CDH20: variants seen among roughly 807,000 people sequenced by gnomAD.
CDH20 encodes the protein cadherin-20.
Under a neutral mutation model 74.2 loss-of-function variants are expected in CDH20, and 29 were observed. The observed-to-expected ratio is 0.39, with a 90% CI of 0.29 to 0.53. The LOEUF is 0.53. Ranked by LOEUF, CDH20 falls within the 20% of genes least tolerant of loss-of-function variation. CDH20 has a pLI of 0.69. For missense variants in CDH20, 988 were observed against 1,048.3 expected (o/e 0.94, Z 0.79); for synonymous variants, 469 against 405.4 (o/e 1.16, Z -1.88).
Position 61,500,457 on chromosome 18 carries a change from A to C in CDH20, c.616A>C (p.Ser206Arg), listed in dbSNP as rs200877732. 2 of 1,612,866 alleles carry C rather than the reference A, an allele frequency of 1.2e-6. No homozygotes were observed. The highest frequency in any genetic ancestry group is 1.7e-6 in the Non-Finnish European group (2 of 1,179,152). The part of the protein sequence containing the change: ...TYGNSARVVY[S>R]ILQGQPYFSV... Reference sequence around the variant, plus strand: ...CGGCAACAGTGCCAGGGTGGTGTACAGCATTCTTCAGGGCCAGCCATATTT... The same window carrying C: ...CGGCAACAGTGCCAGGGTGGTGTACCGCATTCTTCAGGGCCAGCCATATTT... Residue 206 changes from serine (S) to arginine (R), a missense_variant, in exon 4 of 12, where the codon AGC becomes CGC. By Grantham distance (110) the Ser-to-Arg change is moderately radical. Transcript: ENST00000262717.
chr18:61,492,876 T>A (rs529320969), intron 2 of CDH20, among the ~76,000 whole-genome samples: 8 of 152,344 alleles, frequency 5.3e-5, no homozygotes, highest in Non-Finnish European at 1.0e-4. Context: ...AACACAGCAT[T>A]TATCTTATAG....
intron 6 of CDH20, among the ~76,000 whole-genome samples, chr18:61,527,364 C>T (rs1193477104): frequency 3.5e-5 from 1 of 28,276 alleles, no homozygotes; most frequent in Non-Finnish European, 8.5e-5. Context: ...CATGAATATT[C>T]TAATAGATAG....
intron 10 of CDH20, 52 bp from the exon 11 acceptor site, chr18:61,549,926 A>C: frequency 6.3e-7 from 1 of 1,581,510 alleles, no homozygotes; most frequent in Non-Finnish European, 8.6e-7. Context: ...CCTCAATCCA[A>C]GAAATTAATT....
intron 1 of CDH20, among the ~76,000 whole-genome samples, chr18:61,396,072 T>TGTGTG (rs1568123837): frequency 1.3e-5 from 2 of 151,916 alleles, no homozygotes. Flanking sequence ...TGTGTGTGTG[T>TGTGTG]TCATGCACGC....
At chr18:61,496,420 G>A (rs1911163675) in intron 2 of CDH20, among the ~76,000 whole-genome samples, 1 of 150,908 alleles carries the variant, frequency 6.6e-6, no homozygotes, top group South Asian at 2.1e-4. Flanking sequence ...CATCCATACG[G>A]AACTTTCGCC....
In CDH20 at chr18:61,340,226, C is replaced by CTTTTTTTTTTTTTTTTT. The variant is rs59628153; in HGVS notation, c.-153+6409_-153+6410insTTTTTTTTTTTTTTTTT. 7.5e-4 allele frequency among the ~76,000 whole-genome samples: 89 copies of CTTTTTTTTTTTTTTTTT among 119,404 alleles called. 7 individuals carry two copies. The Middle Eastern group carries it at 0.014, about 19-fold the overall frequency. The allele number at this position is 119,404 out of a possible 152,430, so 78.3% of individuals were successfully genotyped here. On this transcript the variant is annotated intron_variant, in intron 1 of 11. Coordinates refer to ENST00000262717, the MANE Select transcript of CDH20 (RefSeq NM_031891.4). The stretch of plus-strand genomic sequence containing the variant: ...TGTCTTTAGCTAAATCTTCAGCCTT[C>CTTTTTTTTTTTTTTTTT]TTTTTTTTTTAAAGGTCTGACCTTA...
At chr18:61,553,770 C>CA (rs1913519397) in intron 11 of CDH20, among the ~76,000 whole-genome samples, 1 of 152,126 alleles carries the variant, frequency 6.6e-6, no homozygotes, top group Non-Finnish European at 1.5e-5. Context: ...ATAAGACTTT[C>CA]ACATTATAAG....
intron 6 of CDH20, among the ~76,000 whole-genome samples, chr18:61,513,595 C>T (rs1323504443): frequency 1.3e-5 from 2 of 151,676 alleles, no homozygotes; most frequent in Admixed American, 6.6e-5. Flanking sequence ...TTCCTAGTCT[C>T]CATGGTCTTT....
At chr18:61,334,899 C>G (rs1224863518) in intron 1 of CDH20, among the ~76,000 whole-genome samples, 3 of 151,988 alleles carry the variant, frequency 2.0e-5, no homozygotes, top group African/African-American at 7.2e-5. Context: ...TGTTATAAAT[C>G]GCCTGCAAAT....
intron 1 of CDH20, among the ~76,000 whole-genome samples, chr18:61,428,375 AT>A (rs1913143053): frequency 6.6e-6 from 1 of 152,122 alleles, no homozygotes; most frequent in Non-Finnish European, 1.5e-5. Context: ...TCCATAATGA[AT>A]GTTTTTTGAC....
rs140950106 is a variant in CDH20, at chr18:61,499,266, C to T, written c.327C>T (p.Ile109=). Residue 109 remains isoleucine, a synonymous_variant, in exon 3 of 12, where the codon ATC becomes ATT. Coordinates refer to ENST00000262717, the MANE Select transcript of CDH20 (RefSeq NM_031891.4). ...SGEGAGIVFT[I]DDTTGDIHAI... is the part of the protein sequence containing the mutation. ...AAGGTGCTGGCATCGTGTTTACCAT[C>T]GACGACACCACTGGAGACATCCACG... The T allele has an allele frequency of 3.0e-4, 489 of 1,613,666 alleles. No individual in the cohort carries two copies. The highest frequency in any genetic ancestry group is 3.8e-4 in the Non-Finnish European group (448 of 1,179,692).
chr18:61,348,455 C>A (rs1186595285), intron 1 of CDH20, among the ~76,000 whole-genome samples: 7 of 152,254 alleles, frequency 4.6e-5, no homozygotes, highest in African/African-American at 1.4e-4. Context: ...TCTCTCCCAC[C>A]AGCTGAGTCA....
chr18:61,536,011 G>A (rs907093672), intron 7 of CDH20, among the ~76,000 whole-genome samples: 3 of 152,052 alleles, frequency 2.0e-5, no homozygotes, highest in African/African-American at 7.3e-5. Flanking sequence ...TTAAGAAAGG[G>A]CCTGGTACAA....
chr18:61,425,040 CCTCTCT>C (rs10535853), intron 1 of CDH20, among the ~76,000 whole-genome samples: 4,119 of 134,166 alleles, frequency 0.031, 122 homozygotes, highest in East Asian at 0.088. Context: ...CTTCCCCGCT[CCTCTCT>C]CTCTCTCTCT....
chr18:61,451,857 A>G (rs1909398865), intron 1 of CDH20, among the ~76,000 whole-genome samples: 1 of 152,118 alleles, frequency 6.6e-6, no homozygotes, highest in African/African-American at 2.4e-5. Flanking sequence ...CTGCTTAGGG[A>G]TGCTTTGAGA....
intron 7 of CDH20, among the ~76,000 whole-genome samples, chr18:61,533,842 G>T (rs534620449): frequency 6.6e-6 from 1 of 152,194 alleles, no homozygotes; most frequent in African/African-American, 2.4e-5. Flanking sequence ...CTGCATGTGG[G>T]TATCTAGTTT....
intron 6 of CDH20, among the ~76,000 whole-genome samples, chr18:61,516,859 A>G (rs1472439105): frequency 6.6e-6 from 1 of 152,116 alleles, no homozygotes; most frequent in Non-Finnish European, 1.5e-5. Flanking sequence ...GTCAGTACAT[A>G]AATAATTAAA....
At chr18:61,337,983 C>T (rs532297601) in intron 1 of CDH20, among the ~76,000 whole-genome samples, 1 of 152,170 alleles carries the variant, frequency 6.6e-6, no homozygotes, top group Non-Finnish European at 1.5e-5. Flanking sequence ...ATAAATATAA[C>T]ATAACTGTAT....
chr18:61,554,186 G>A lies in CDH20; in HGVS notation c.1901-4G>A. 6.2e-7 allele frequency: 1 copy of A among 1,603,660 alleles called. No individual in the cohort carries two copies. The highest frequency in any genetic ancestry group is 1.3e-5 in the African/African-American group (1 of 74,700). ...AAACACACTCTCCTTTTTGTTCCTG[G>A]CAGTGCTGGTGTTGCTCATTTTGTC... is the stretch of plus-strand genomic sequence containing the variant. On this transcript the variant is annotated splice_polypyrimidine_tract_variant and splice_region_variant and intron_variant, in intron 11 of 11. Coordinates refer to ENST00000262717, the MANE Select transcript of CDH20 (RefSeq NM_031891.4).
Sources: allele counts gnomAD v4.1 joint callset (sites outside exome capture counted in the v4.1 genomes callset), GRCh38; gene constraint gnomAD v4.1.1; transcripts MANE v1.5; gene names NCBI Gene and HGNC (gene_info 2026-07-23, HGNC 2026-07-21).